The following TECR variants were observed in gnomAD, a reference collection of about 807,000 sequenced individuals.
TECR encodes the protein trans-2,3-enoyl-CoA reductase.
In TECR, 19 loss-of-function variants were observed where a neutral mutation model predicts 50.6. That is an observed-to-expected ratio of 0.38 (90% confidence interval 0.26 to 0.55). The LOEUF (loss-of-function observed/expected upper bound fraction) is 0.55, where lower values mean the gene tolerates loss of function less well. Among genes scored for constraint, TECR ranks in the 20% least tolerant of loss-of-function variants. The probability of loss-of-function intolerance (pLI) is 0.79; values close to 1 mark genes in which losing one functional copy is unlikely to be tolerated. For synonymous variants in TECR, 168 were observed against 163.5 expected, an observed-to-expected ratio of 1.03 and a Z score of -0.21; for missense variants, 313 against 408.3, an observed-to-expected ratio of 0.77 and a Z score of 2.01.
intron 1 of TECR, among the ~76,000 whole-genome samples, chr19:14,549,343 G>A (rs1259602895): frequency 6.6e-6 from 1 of 151,138 alleles, no homozygotes; most frequent in Non-Finnish European, 1.5e-5. Flanking sequence ...CTCCCAAGGA[G>A]CTGGGACTAC....
chr19:14,564,635 C>A (rs1342333004), intron 7 of TECR, 151 bp from the exon 8 acceptor site: 5 of 770,142 alleles, frequency 6.5e-6, no homozygotes, highest in Non-Finnish European at 4.4e-6. Context: ...CCTAGCCTCA[C>A]CCCTTGGCCC....
Position 14,563,958 on chromosome 19 carries a change from C to A in TECR, c.268-24C>A. 1.2e-6 allele frequency: 2 copies of A among 1,613,790 alleles called. No individual in the cohort carries two copies. The highest frequency in any genetic ancestry group is 2.2e-5 in the South Asian group (2 of 91,084). ...TTCCCGTCAGCCACGTTGGGTGACT[C>A]ATCTTGCCCCCCTCTACTCTCAGGT... is the stretch of plus-strand genomic sequence containing the variant. On this transcript the variant is annotated intron_variant, in intron 5 of 12. Coordinates refer to ENST00000215567, the MANE Select transcript of TECR (RefSeq NM_138501.6). This position sits in a 1 kb window ranked among gnomAD's most constrained non-coding sequence, Gnocchi z 5.3.
intron 1 of TECR, among the ~76,000 whole-genome samples, chr19:14,544,657 A>G (rs2073240610): frequency 7.0e-6 from 1 of 142,516 alleles, no homozygotes; most frequent in Non-Finnish European, 1.5e-5. Flanking sequence ...TTTTTGAGAC[A>G]GGGTCTCACT....
chr19:14,535,564 A>ATGTATATG (rs2072859602), intron 1 of TECR, among the ~76,000 whole-genome samples: 1 of 24,880 alleles, frequency 4.0e-5, no homozygotes, highest in African/African-American at 1.4e-4. Context: ...ATATATATAT[A>ATGTATATG]TATATATATA....
chr19:14,536,086 G>GAGAAGA (rs1270677019), intron 1 of TECR, among the ~76,000 whole-genome samples: 7 of 152,056 alleles, frequency 4.6e-5, no homozygotes, highest in African/African-American at 1.4e-4. Context: ...CTGAGACCCA[G>GAGAAGA]AGAACAAGGC....
chr19:14,532,128 G>A (rs1310520264), intron 1 of TECR: 1 of 151,762 alleles, frequency 6.6e-6, no homozygotes, highest in Non-Finnish European at 1.5e-5. Flanking sequence ...GTCAGATAAA[G>A]TAGGCCTCTG....
Position 14,562,326 on chromosome 19 carries a change from C to G in TECR, c.16-199C>G, listed in dbSNP as rs934984734. 7.4e-5 allele frequency: 49 copies of G among 663,770 alleles called. No individual in the cohort carries two copies. In the East Asian group the frequency reaches 1.3e-3, roughly 18 times the overall value. The allele number at this position is 663,770 out of a possible 1,614,324, so 41.1% of individuals were successfully genotyped here. On this transcript the variant is annotated intron_variant, in intron 1 of 12. Transcript: ENST00000215567. The stretch of plus-strand genomic sequence containing the variant: ...CCCGTGGGGAGGTCGGTGGTGGGGG[C>G]TGACGGCCGGCAGCTGGGGCTGCTG...
intron 1 of TECR, among the ~76,000 whole-genome samples, chr19:14,538,976 AT>A (rs869186799): frequency 2.6e-3 from 348 of 132,792 alleles, no homozygotes; most frequent in Non-Finnish European, 2.5e-3. Context: ...TGCAAGTCAC[AT>A]TTTTTTTTTT....
Position 14,564,242 on chromosome 19 carries a change from G to A in TECR, c.444G>A (p.Val148=). 6.2e-7 allele frequency: 1 copy of A among 1,607,562 alleles called. No individual in the cohort carries two copies. The change falls in exon 7 of 13, where the codon GTG becomes GTA. Residue 148 remains valine, a synonymous_variant. Transcript: ENST00000215567. ...YIKRLLETLF[V]HRFSHGTMPL... Reference sequence around the variant, plus strand: ...AGCGCCTGCTGGAGACGCTCTTCGTGCACCGCTTCTCCCATGGCACTATGC... The same window carrying A: ...AGCGCCTGCTGGAGACGCTCTTCGTACACCGCTTCTCCCATGGCACTATGC...
At chr19:14,549,474 C>T (rs905642577) in intron 1 of TECR, among the ~76,000 whole-genome samples, 4 of 151,908 alleles carry the variant, frequency 2.6e-5, no homozygotes, top group Admixed American at 6.6e-5. Context: ...CCCTCCTTGG[C>T]CCCCTAACCC....
In TECR at chr19:14,562,804, G is replaced by C. The variant is rs544041156; in HGVS notation, c.66+229G>C. Among the ~76,000 whole-genome samples, 283 of 152,238 alleles carry C rather than the reference G, an allele frequency of 1.9e-3. 2 individuals carry two copies. Among genetic ancestry groups the C allele is most frequent in the Non-Finnish European group, 2.7e-3 (184 of 67,992 alleles). Reference sequence around the variant, plus strand: ...GCGGGGATTTTGGTCCTGGGAGGGCGGTGGAGGAGTGAGCCTTGCCCCTGC... The same window carrying C: ...GCGGGGATTTTGGTCCTGGGAGGGCCGTGGAGGAGTGAGCCTTGCCCCTGC... On this transcript the variant is annotated intron_variant, in intron 2 of 12. Transcript: ENST00000215567.
Position 14,563,712 on chromosome 19 carries a change from G to A in TECR, c.163+10G>A. On this transcript the variant is annotated intron_variant, in intron 4 of 12. Coordinates refer to ENST00000215567, the MANE Select transcript of TECR (RefSeq NM_138501.6). The surrounding 1 kb of genome is among the most constrained non-coding windows in gnomAD (Gnocchi z 5.3). The stretch of plus-strand genomic sequence containing the variant: ...CTCCGCCTGGACCCCAGTGAGTACA[G>A]CTGTCCACTCGGCCCGCCCCCTGGG... 1 of 1,613,190 alleles carries A rather than the reference G, an allele frequency of 6.2e-7. No homozygotes were observed. Among genetic ancestry groups the A allele is most frequent in the Non-Finnish European group, 8.5e-7 (1 of 1,179,924 alleles).
intron 1 of TECR, 124 bp from the exon 2 acceptor site, chr19:14,562,401 C>A (rs529990615): frequency 5.8e-6 from 6 of 1,026,482 alleles, no homozygotes; most frequent in Admixed American, 5.8e-5. Context: ...GCGGCATGGA[C>A]TTGAACTTGA....
intron 1 of TECR, among the ~76,000 whole-genome samples, chr19:14,560,627 G>A (rs2073875549): frequency 6.6e-6 from 1 of 152,208 alleles, no homozygotes; most frequent in Non-Finnish European, 1.5e-5. Flanking sequence ...GCTTGGAGGA[G>A]TTCAGTAACC....
At position 14,563,217 on chromosome 19, in the gene TECR, C is replaced by A; in HGVS notation, c.78C>A (p.His26Gln). The A allele has an allele frequency of 1.2e-6, 2 of 1,613,728 alleles. No homozygotes were observed. The highest frequency in any genetic ancestry group is 1.7e-6 in the Non-Finnish European group (2 of 1,179,866). ...KLCFLDKVEP[H>Q]ATIAEIKNLF... ...TGTGCTTCCCCCAGGTGGAGCCCCA[C>A]GCCACCATTGCGGAGATCAAGAACC... Residue 26 changes from histidine to glutamine, a missense_variant, in exon 3 of 13, where the codon CAC becomes CAA. His to Gln is a conservative substitution (Grantham distance 24). Transcript: ENST00000215567. This position sits in a 1 kb window ranked among gnomAD's most constrained non-coding sequence, Gnocchi z 5.3.
intron 1 of TECR, among the ~76,000 whole-genome samples, chr19:14,539,486 C>G (rs917896444): frequency 6.6e-6 from 1 of 152,090 alleles, no homozygotes. Flanking sequence ...TGCTTCTGTT[C>G]CTGCTCCCTC....
At chr19:14,541,046 G>A (rs1248331760) in intron 1 of TECR, among the ~76,000 whole-genome samples, 1 of 152,106 alleles carries the variant, frequency 6.6e-6, no homozygotes, top group Admixed American at 6.6e-5. Context: ...GGCTGATCTC[G>A]AACTCCTGAG....
chr19:14,538,226 G>T (rs868224582), intron 1 of TECR, among the ~76,000 whole-genome samples: 1 of 152,174 alleles, frequency 6.6e-6, no homozygotes. Context: ...TTTGCTGTGG[G>T]TCGTGCACTG....
Position 14,564,389 on chromosome 19 carries a change from C to A in TECR, c.489+102C>A, listed in dbSNP as rs868006028. The A allele has an allele frequency of 1.7e-4, 162 of 979,298 alleles. 1 individual carries two copies. The highest frequency in any genetic ancestry group is 1.5e-3 in the Middle Eastern group (5 of 3,252). 60.7% of individuals were successfully genotyped at this position (979,298 alleles called of 1,614,324 possible). Reference sequence around the variant, plus strand: ...CCAAGGCCCTTCCTGTCTGCCACTACGCCCCAGCAGAGCCCTACCCCTAGG... The same window carrying A: ...CCAAGGCCCTTCCTGTCTGCCACTAAGCCCCAGCAGAGCCCTACCCCTAGG... On this transcript the variant is annotated intron_variant, in intron 7 of 12. Coordinates refer to ENST00000215567, the MANE Select transcript of TECR (RefSeq NM_138501.6).
Sources: allele counts gnomAD v4.1 joint callset (sites outside exome capture counted in the v4.1 genomes callset), GRCh38; gene constraint gnomAD v4.1.1; non-coding constraint Gnocchi (gnomAD v3.1); transcripts MANE v1.5; gene names NCBI Gene and HGNC (gene_info 2026-07-23, HGNC 2026-07-21).